Variants in CDH4 observed in about 807,000 individuals in gnomAD.
CDH4 encodes the protein cadherin-4.
A neutral mutation model predicts 86.0 loss-of-function variants in CDH4; 33 were observed. That is an observed-to-expected ratio of 0.38 (90% CI 0.29 to 0.51). The LOEUF (loss-of-function observed/expected upper bound fraction) is 0.51. Among genes scored for constraint, CDH4 ranks in the 20% least tolerant of loss-of-function variants. The probability of loss-of-function intolerance (pLI) is 0.86; values close to 1 mark genes in which losing one functional copy is unlikely to be tolerated. For missense variants in CDH4, 1,114 were observed against 1,307.4 expected, an observed-to-expected ratio of 0.85 and a Z score of 2.28; for synonymous variants, 555 against 549.4, an observed-to-expected ratio of 1.01 and a Z score of -0.14.
At chr20:61,335,610 A>G (rs997045395) in intron 2 of CDH4, among the ~76,000 whole-genome samples, 1 of 152,168 alleles carries the variant, frequency 6.6e-6, no homozygotes, top group African/African-American at 2.4e-5. Flanking sequence ...CGTCAAGAAA[A>G]TTCAAACTGA....
chr20:61,322,941 G>A (rs1302485723), intron 2 of CDH4, among the ~76,000 whole-genome samples: 1 of 152,154 alleles, frequency 6.6e-6, no homozygotes, highest in Non-Finnish European at 1.5e-5. Flanking sequence ...AGGAGGTCTT[G>A]TTATCTTTTA....
At chr20:61,673,422 G>A (rs777701153) in intron 2 of CDH4, among the ~76,000 whole-genome samples, 2 of 152,208 alleles carry the variant, frequency 1.3e-5, no homozygotes, top group Admixed American at 6.5e-5. Context: ...GCTTATCACC[G>A]TGGGGCACAC....
chr20:61,503,391 C>T (rs562984985), intron 2 of CDH4, among the ~76,000 whole-genome samples: 7 of 152,176 alleles, frequency 4.6e-5, no homozygotes, highest in Admixed American at 1.3e-4. Flanking sequence ...GAAAAGGGGT[C>T]GTAAAAGTAA....
chr20:61,455,140 A>G lies in CDH4; in HGVS notation c.169+200203A>G, dbSNP rs147338500. ...GATTTGTGTAACCACCACAACCAAC[A>G]TCCCAGAGTGTTACATCTCCACAAG... On this transcript the variant is annotated intron_variant, in intron 2 of 15. Transcript: ENST00000614565. 2.6e-4 allele frequency among the ~76,000 whole-genome samples: 40 copies of G among 152,316 alleles called. No homozygotes were observed. The East Asian group carries it at 7.3e-3, about 28-fold the overall frequency.
At chr20:61,497,111 C>T (rs1299104782) in intron 2 of CDH4, among the ~76,000 whole-genome samples, 1 of 152,168 alleles carries the variant, frequency 6.6e-6, no homozygotes, top group Admixed American at 6.5e-5. Flanking sequence ...TGTCTGTGTA[C>T]TCACAGTGTG....
chr20:61,875,389 G>A (rs924983612), intron 7 of CDH4, among the ~76,000 whole-genome samples: 2 of 151,570 alleles, frequency 1.3e-5, no homozygotes, highest in African/African-American at 2.4e-5. Context: ...GGTGGCCGCC[G>A]GGTTCAGCAC....
intron 2 of CDH4, among the ~76,000 whole-genome samples, chr20:61,581,656 C>T (rs894482962): frequency 6.6e-5 from 10 of 152,168 alleles, no homozygotes; most frequent in African/African-American, 2.4e-4. Context: ...GTGATGATGC[C>T]CTGTGCCTGG....
chr20:61,478,837 T>C (rs1214639762), intron 2 of CDH4, among the ~76,000 whole-genome samples: 1 of 152,258 alleles, frequency 6.6e-6, no homozygotes, highest in East Asian at 1.9e-4. Flanking sequence ...GGGCACCTGC[T>C]TCTGTCTGGC....
chr20:61,521,564 C>T (rs73917939), intron 2 of CDH4, among the ~76,000 whole-genome samples: 114 of 152,298 alleles, frequency 7.5e-4, no homozygotes, highest in Middle Eastern at 3.4e-3. Context: ...GTGGTGCCCC[C>T]ACTTTACAGA....
chr20:61,878,380 TAC>T (rs1984136183), intron 7 of CDH4, among the ~76,000 whole-genome samples: 1 of 152,170 alleles, frequency 6.6e-6, no homozygotes, highest in African/African-American at 2.4e-5. Flanking sequence ...TCCATTTGGG[TAC>T]AGAGACAGTG....
intron 13 of CDH4, among the ~76,000 whole-genome samples, chr20:61,931,573 G>A (rs1026055328): frequency 7.2e-5 from 11 of 152,230 alleles, no homozygotes; most frequent in Non-Finnish European, 1.2e-4. Flanking sequence ...GTGATTCTGG[G>A]CCTCAGTCGT....
chr20:61,638,001 A>G (rs1352125217), intron 2 of CDH4, among the ~76,000 whole-genome samples: 5 of 150,554 alleles, frequency 3.3e-5, no homozygotes, highest in Non-Finnish European at 2.9e-5. Context: ...ACTGCACTCC[A>G]GCCTGGGCAA....
chr20:61,407,137 T>A (rs993927230), intron 2 of CDH4, among the ~76,000 whole-genome samples: 3 of 151,978 alleles, frequency 2.0e-5, no homozygotes, highest in Non-Finnish European at 4.4e-5. Flanking sequence ...ACTTGCAAGG[T>A]TGCTGTGAGG....
intron 2 of CDH4, among the ~76,000 whole-genome samples, chr20:61,255,346 GCATTCATTTT>G (rs1157740362): frequency 5.9e-5 from 9 of 152,198 alleles, no homozygotes; most frequent in South Asian, 4.1e-4. Flanking sequence ...CACAAATGTG[GCATTCATTTT>G]CATTACTGCC....
intron 8 of CDH4, among the ~76,000 whole-genome samples, chr20:61,906,886 G>A (rs562967245): frequency 6.6e-6 from 1 of 152,252 alleles, no homozygotes; most frequent in East Asian, 1.9e-4. Flanking sequence ...TCTGGAGAGG[G>A]CTCAGGGTCC....
At chr20:61,326,447 G>A (rs531326328) in intron 2 of CDH4, among the ~76,000 whole-genome samples, 1 of 152,368 alleles carries the variant, frequency 6.6e-6, no homozygotes, top group South Asian at 2.1e-4. Flanking sequence ...TCTAGCCAGA[G>A]GAGGATATGA....
At chr20:61,407,950 A>G (rs1394838982) in intron 2 of CDH4, among the ~76,000 whole-genome samples, 1 of 152,212 alleles carries the variant, frequency 6.6e-6, no homozygotes, top group Non-Finnish European at 1.5e-5. Flanking sequence ...ACAGAGGACG[A>G]CAATCTCAGT....
chr20:61,766,012 G>A (rs1476508946), intron 3 of CDH4, among the ~76,000 whole-genome samples: 2 of 152,060 alleles, frequency 1.3e-5, no homozygotes, highest in Non-Finnish European at 2.9e-5. Context: ...AGTATGGGTA[G>A]GGTAGAGGGA....
At chr20:61,458,735 GTGGTGACAA>G (rs1176137960) in intron 2 of CDH4, among the ~76,000 whole-genome samples, 2 of 152,002 alleles carry the variant, frequency 1.3e-5, no homozygotes, top group African/African-American at 4.8e-5. Flanking sequence ...TGTGGTAGCA[GTGGTGACAA>G]TGGTGACAGT....
Sources: allele counts gnomAD v4.1 joint callset (sites outside exome capture counted in the v4.1 genomes callset), GRCh38; gene constraint gnomAD v4.1.1; transcripts MANE v1.5; gene names NCBI Gene and HGNC (gene_info 2026-07-23, HGNC 2026-07-21).